Variants in PRDM5 observed in about 807,000 individuals in gnomAD.
The protein encoded by PRDM5 is PR/SET domain 5.
PRDM5 carries 56 observed loss-of-function variants against 81.2 expected under a neutral mutation model. That is an observed-to-expected ratio of 0.69 (90% CI 0.56 to 0.86). The LOEUF (loss-of-function observed/expected upper bound fraction) is 0.86, where lower values mean the gene tolerates loss of function less well. Ranked by LOEUF, PRDM5 falls within the 40% of genes least tolerant of loss-of-function variation. PRDM5 has a pLI of 0.00. For missense variants in PRDM5, 697 were observed against 770.1 expected (o/e 0.91, Z 1.12); for synonymous variants, 267 against 256.4 (o/e 1.04, Z -0.39).
chr4:120,777,885 T>C (rs1466371312), intron 12 of PRDM5, among the ~76,000 whole-genome samples: 1 of 152,062 alleles, frequency 6.6e-6, no homozygotes, highest in Non-Finnish European at 1.5e-5. Flanking sequence ...GAAAGGTGAA[T>C]AAGTATAGTT....
At chr4:120,806,545 C>T (rs1210691606) in intron 8 of PRDM5, among the ~76,000 whole-genome samples, 3 of 152,196 alleles carry the variant, frequency 2.0e-5, no homozygotes, top group African/African-American at 4.8e-5. Flanking sequence ...AATAATACCA[C>T]ACATCTACAA....
rs765464485 is a variant in PRDM5 at position 120,798,405 on chromosome 4, G to A, written c.1050C>T (p.Cys350=). ...TCTTGAAAGACTTATTACAAATCTC[G>A]CAATTATAGGGTCGTTTTTCTATTA... ...ITHSEKRPYN[C]EICNKSFKRL... Residue 350 remains cysteine (C), a synonymous_variant, in exon 10 of 16, where the codon TGC becomes TGT. Transcript: ENST00000264808. 1.2e-5 allele frequency: 20 copies of A among 1,608,874 alleles called. No homozygotes were observed. The highest frequency in any genetic ancestry group is 2.7e-5 in the African/African-American group (2 of 74,598).
intron 1 of PRDM5, among the ~76,000 whole-genome samples, chr4:120,909,553 G>A (rs1398516563): frequency 6.6e-6 from 1 of 151,838 alleles, no homozygotes; most frequent in Non-Finnish European, 1.5e-5. Context: ...AATAATCTAA[G>A]TACACACTTT....
chr4:120,801,638 C>T (rs769381569), intron 8 of PRDM5, among the ~76,000 whole-genome samples: 1 of 152,196 alleles, frequency 6.6e-6, no homozygotes, highest in Non-Finnish European at 1.5e-5. Context: ...CCAAAGAGTT[C>T]CTTTAGAAAG....
chr4:120,811,977 A>G (rs1753904468), intron 7 of PRDM5, among the ~76,000 whole-genome samples: 1 of 152,054 alleles, frequency 6.6e-6, no homozygotes, highest in Admixed American at 6.6e-5. Flanking sequence ...TATTCATTAT[A>G]ACTATATTTT....
intron 1 of PRDM5, among the ~76,000 whole-genome samples, chr4:120,916,177 T>A (rs1350285541): frequency 6.6e-6 from 1 of 151,974 alleles, no homozygotes; most frequent in East Asian, 1.9e-4. Flanking sequence ...TCACTTGAGG[T>A]CAGGAGTTCG....
chr4:120,872,268 T>A (rs1290292020), intron 2 of PRDM5, among the ~76,000 whole-genome samples: 1 of 151,572 alleles, frequency 6.6e-6, no homozygotes, highest in African/African-American at 2.4e-5. Context: ...CAGACCCATA[T>A]TCACAATAAC....
chr4:120,821,938 C>T (rs1436929450), intron 3 of PRDM5, among the ~76,000 whole-genome samples: 3 of 139,802 alleles, frequency 2.1e-5, no homozygotes, highest in Non-Finnish European at 3.0e-5. Context: ...ATGACAGACA[C>T]GAGAAAAAGA....
intron 3 of PRDM5, among the ~76,000 whole-genome samples, chr4:120,844,152 A>G (rs1311344788): frequency 6.6e-6 from 1 of 152,094 alleles, no homozygotes; most frequent in Non-Finnish European, 1.5e-5. Flanking sequence ...GCACAGAATT[A>G]TACTAGATAC....
intron 3 of PRDM5, among the ~76,000 whole-genome samples, chr4:120,824,859 T>C (rs1755753717): frequency 6.6e-6 from 1 of 152,206 alleles, no homozygotes; most frequent in Non-Finnish European, 1.5e-5. Flanking sequence ...GAAAATAATA[T>C]GTAAACAATG....
At chr4:120,922,185 G>A (rs1579257241) in intron 1 of PRDM5, among the ~76,000 whole-genome samples, 1 of 152,240 alleles carries the variant, frequency 6.6e-6, no homozygotes, top group Non-Finnish European at 1.5e-5. Flanking sequence ...CCGAGGAAGA[G>A]GGAGGCTCCC....
At chr4:120,801,183 C>T (rs944186277) in intron 8 of PRDM5, among the ~76,000 whole-genome samples, 3 of 152,148 alleles carry the variant, frequency 2.0e-5, no homozygotes, top group African/African-American at 7.2e-5. Context: ...GAGAAGTAAA[C>T]GCCCTTGTGC....
chr4:120,782,328 A>G (rs568011338), intron 11 of PRDM5, among the ~76,000 whole-genome samples: 21 of 152,290 alleles, frequency 1.4e-4, no homozygotes, highest in African/African-American at 4.6e-4. Flanking sequence ...AAATTTCTAT[A>G]TCTAAATAAG....
At chr4:120,832,470 A>G (rs1349768582) in intron 3 of PRDM5, among the ~76,000 whole-genome samples, 1 of 152,122 alleles carries the variant, frequency 6.6e-6, no homozygotes, top group African/African-American at 2.4e-5. Flanking sequence ...AATTACATAT[A>G]AATTATTCCC....
intron 13 of PRDM5, among the ~76,000 whole-genome samples, chr4:120,769,654 T>C (rs1333209909): frequency 6.6e-6 from 1 of 152,192 alleles, no homozygotes; most frequent in East Asian, 1.9e-4. Flanking sequence ...TACTTTCCAA[T>C]GCATTTCAAA....
At chr4:120,852,308 C>T (rs1759359860) in intron 3 of PRDM5, among the ~76,000 whole-genome samples, 1 of 152,112 alleles carries the variant, frequency 6.6e-6, no homozygotes, top group Non-Finnish European at 1.5e-5. Context: ...GTTGGTCAAA[C>T]ATTATTCTGG....
chr4:120,922,414 G>A (rs1159377865), intron 1 of PRDM5, 102 bp downstream of exon 1: 3 of 1,180,632 alleles, frequency 2.5e-6, no homozygotes, highest in African/African-American at 1.6e-5. Context: ...AGGGGCGACC[G>A]GGGTGAAGCC....
chr4:120,888,358 G>A (rs112505205), intron 2 of PRDM5, among the ~76,000 whole-genome samples: 1 of 152,220 alleles, frequency 6.6e-6, no homozygotes, highest in African/African-American at 2.4e-5. Flanking sequence ...TTTAGCTAAA[G>A]GGAATCAAAC....
At chr4:120,823,100 T>C (rs1755503870) in intron 3 of PRDM5, among the ~76,000 whole-genome samples, 1 of 152,270 alleles carries the variant, frequency 6.6e-6, no homozygotes, top group Non-Finnish European at 1.5e-5. Context: ...ACTAACCTAA[T>C]AAAGACTTCA....
Sources: gnomAD v4.1 joint callset for allele counts (sites outside exome capture counted in the v4.1 genomes callset) on GRCh38, gnomAD v4.1.1 for gene constraint, MANE v1.5 for transcripts, NCBI Gene and HGNC (gene_info 2026-07-23, HGNC 2026-07-21) for gene names.